The following WNK1 variants were observed in gnomAD, a reference collection of about 807,000 sequenced individuals.
WNK1 encodes serine/threonine-protein kinase WNK1.
In WNK1, 38 loss-of-function variants were observed where a neutral mutation model predicts 222.8. The observed-to-expected ratio is 0.17, with a 90% confidence interval of 0.13 to 0.22. WNK1 has a LOEUF of 0.22. Ranked by LOEUF, WNK1 falls within the 10% of genes least tolerant of loss-of-function variation. The pLI is 1.00. For missense variants in WNK1, 2,348 were observed against 2,918.4 expected (o/e 0.80, Z 4.50); for synonymous variants, 1,090 against 1,092.9 (o/e 1.00, Z 0.05).
rs370404446 is a variant in WNK1, at chr12:842,442, A to G, written c.1311+12282A>G. Among the ~76,000 whole-genome samples the G allele has an allele frequency of 2.0e-4, 30 of 152,284 alleles. 1 individual carries two copies. The East Asian group carries it at 3.7e-3, about 19-fold the overall frequency. Reference sequence around the variant, plus strand: ...AAATCTCAGTTGTAATTTCTGAACAACTAGTTTAACTCTTTCCATTATGGG... The same window carrying G: ...AAATCTCAGTTGTAATTTCTGAACAGCTAGTTTAACTCTTTCCATTATGGG... On this transcript the variant is annotated intron_variant, in intron 4 of 27. Coordinates refer to ENST00000315939, the MANE Select transcript of WNK1 (RefSeq NM_018979.4).
intron 4 of WNK1, among the ~76,000 whole-genome samples, chr12:837,511 TTG>T: frequency 6.7e-6 from 1 of 149,798 alleles, no homozygotes; most frequent in African/African-American, 2.5e-5. Flanking sequence ...GAGGCAGAGG[TTG>T]CAGTGAGCCG....
chr12:849,872 C>T (rs1377442542), intron 4 of WNK1, among the ~76,000 whole-genome samples: 1 of 152,118 alleles, frequency 6.6e-6, no homozygotes, highest in African/African-American at 2.4e-5. Flanking sequence ...CCAGCTTCAT[C>T]CATGTCCCTA....
At chr12:881,484 G>T in intron 12 of WNK1, 1 of 594,322 alleles carries the variant, frequency 1.7e-6, no homozygotes, top group Non-Finnish European at 3.0e-6. Flanking sequence ...CTCATACCAT[G>T]CAGTCTATAC....
chr12:762,099 G>A (rs1941101637), intron 1 of WNK1, among the ~76,000 whole-genome samples: 1 of 136,796 alleles, frequency 7.3e-6, no homozygotes, highest in East Asian at 2.0e-4. Context: ...TTGCTCTGTT[G>A]CCCAGGCTGG....
chr12:899,397 T>A (rs1955032149), intron 25 of WNK1, among the ~76,000 whole-genome samples: 1 of 152,088 alleles, frequency 6.6e-6, no homozygotes, highest in Non-Finnish European at 1.5e-5. Context: ...GCCTCCCAAG[T>A]AGCTGGGATT....
At chr12:904,581 T>C (rs1342966138) in intron 26 of WNK1, 1 of 889,396 alleles carries the variant, frequency 1.1e-6, no homozygotes, top group East Asian at 6.2e-5. Context: ...CATAGCTCCC[T>C]GATTCCTAAC....
chr12:821,609 A>G (rs1033284850), intron 2 of WNK1, among the ~76,000 whole-genome samples: 4 of 152,124 alleles, frequency 2.6e-5, no homozygotes, highest in African/African-American at 9.7e-5. Flanking sequence ...TTTTGTCTAG[A>G]TGTTTTATCC....
chr12:818,860 A>G (rs918721366), intron 2 of WNK1, among the ~76,000 whole-genome samples: 1 of 152,160 alleles, frequency 6.6e-6, no homozygotes, highest in Non-Finnish European at 1.5e-5. Context: ...CAGTTTGTTT[A>G]TTTATCCATT....
intron 25 of WNK1, among the ~76,000 whole-genome samples, chr12:898,538 A>C (rs982875822): frequency 6.6e-6 from 1 of 151,798 alleles, no homozygotes; most frequent in Non-Finnish European, 1.5e-5. Context: ...GAAATAGTTA[A>C]GTGATACTCT....
At chr12:785,388 T>G in intron 1 of WNK1, among the ~76,000 whole-genome samples, 1 of 138,278 alleles carries the variant, frequency 7.2e-6, no homozygotes, top group Non-Finnish European at 1.5e-5. Flanking sequence ...CTAACGTCCA[T>G]ATCATTTTCT....
intron 8 of WNK1, chr12:868,326 G>T (rs1446094915): frequency 6.2e-7 from 1 of 1,613,078 alleles, no homozygotes; most frequent in Non-Finnish European, 8.5e-7. Context: ...CAGTATGAGG[G>T]CATTCCATAC....
At chr12:895,171 A>G (rs1489938342) in intron 23 of WNK1, among the ~76,000 whole-genome samples, 1 of 152,250 alleles carries the variant, frequency 6.6e-6, no homozygotes, top group African/African-American at 2.4e-5. Flanking sequence ...GTTGTCCAAC[A>G]TGTGAGCATT....
intron 8 of WNK1, among the ~76,000 whole-genome samples, chr12:870,774 A>T (rs889378464): frequency 7.9e-5 from 12 of 152,220 alleles, no homozygotes; most frequent in Admixed American, 1.3e-4. Context: ...CTGGATAGCA[A>T]TGATCGCCCT....
chr12:840,608 A>G (rs1393448412), intron 4 of WNK1, among the ~76,000 whole-genome samples: 1 of 152,186 alleles, frequency 6.6e-6, no homozygotes, highest in Non-Finnish European at 1.5e-5. Context: ...GCAGAGTTGA[A>G]TAATTGCAAC....
At chr12:836,141 T>C (rs1373155034) in intron 4 of WNK1, among the ~76,000 whole-genome samples, 1 of 152,064 alleles carries the variant, frequency 6.6e-6, no homozygotes, top group African/African-American at 2.4e-5. Flanking sequence ...TGTAATGAAG[T>C]AATTAGGGAG....
rs1326693189 is a variant in WNK1, at chr12:889,139, G to C, written c.5365-1G>C. On this transcript the variant is annotated splice_acceptor_variant, in intron 20 of 27. Coordinates refer to ENST00000315939, the MANE Select transcript of WNK1 (RefSeq NM_018979.4). LOFTEE classifies it high-confidence loss of function. The stretch of plus-strand genomic sequence containing the variant: ...TATTTACTGTGATTGTTTTCATTCA[G>C]TCCCAGCAACCTCTAGAGGATCTTG... 1 of 1,613,782 alleles carries C rather than the reference G, an allele frequency of 6.2e-7. No homozygotes were observed. Among genetic ancestry groups the C allele is most frequent in the Non-Finnish European group, 8.5e-7 (1 of 1,179,868 alleles).
Position 820,466 on chromosome 12 carries a change from G to GT in WNK1, c.933-6552dup, listed in dbSNP as rs3072715. On this transcript the variant is annotated intron_variant, in intron 2 of 27. Transcript: ENST00000315939. ...TCTGTGTGTGTGTTCATTCTTTGGG[G>GT]TTTTTTTTTTTTTTTTTTTTTTTTA... is the stretch of plus-strand genomic sequence containing the variant. Among the ~76,000 whole-genome samples, 497 of 89,134 alleles carry GT rather than the reference G, an allele frequency of 5.6e-3. 4 individuals are homozygous for GT. Among genetic ancestry groups the GT allele is most frequent in the South Asian group, 0.012 (31 of 2,504 alleles). 58.5% of individuals were successfully genotyped at this position (89,134 alleles called of 152,430 possible).
At chr12:889,940 T>A (rs1418086987) in intron 21 of WNK1, among the ~76,000 whole-genome samples, 1 of 149,846 alleles carries the variant, frequency 6.7e-6, no homozygotes, top group Non-Finnish European at 1.5e-5. Flanking sequence ...ATTCATTCTT[T>A]TAAAATGTAC....
At position 884,764 on chromosome 12, in the gene WNK1, C is replaced by T. The variant is rs7300444; in HGVS notation, c.3960C>T (p.Asn1320=). 0.43 allele frequency: 695,682 copies of T among 1,613,866 alleles called. 151,938 individuals carry two copies. The highest frequency in any genetic ancestry group is 0.52 in the East Asian group (23,150 of 44,876). The change falls in exon 19 of 28, where the codon AAC becomes AAT. Residue 1320 remains asparagine (N), a synonymous_variant. Coordinates refer to ENST00000315939, the MANE Select transcript of WNK1 (RefSeq NM_018979.4). This position sits in a 1 kb window ranked among gnomAD's most constrained non-coding sequence, Gnocchi z 5.6. ...GTGCCCAAATGACAGAAGGACCCAA[C>T]ACAGCACCTCCAAACTTTAGTCATA... The part of the protein sequence containing the change: ...LRRAQMTEGP[N]TAPPNFSHTG...
Sources: gnomAD v4.1 joint callset for allele counts (sites outside exome capture counted in the v4.1 genomes callset) on GRCh38, gnomAD v4.1.1 for gene constraint, Gnocchi (gnomAD v3.1) non-coding constraint, MANE v1.5 for transcripts, NCBI Gene and HGNC (gene_info 2026-07-23, HGNC 2026-07-21) for gene names.